The following LRRC4C variants were observed in gnomAD, a reference collection of about 807,000 sequenced individuals.
The protein encoded by LRRC4C is leucine rich repeat containing 4C.
LRRC4C carries 5 observed loss-of-function variants against 33.6 expected under a neutral mutation model. That is an observed-to-expected ratio of 0.15 (90% confidence interval 0.08 to 0.31). The LOEUF is 0.31. Among genes scored for constraint, LRRC4C ranks in the 10% least tolerant of loss-of-function variants. The probability of loss-of-function intolerance (pLI) is 1.00; values close to 1 mark genes in which losing one functional copy is unlikely to be tolerated. For synonymous variants in LRRC4C, 329 were observed against 302.0 expected, an observed-to-expected ratio of 1.09 and a Z score of -0.93; for missense variants, 560 against 796.7, an observed-to-expected ratio of 0.70 and a Z score of 3.58.
intron 1 of LRRC4C, among the ~76,000 whole-genome samples, chr11:41,248,675 G>A (rs1430588013): frequency 1.3e-5 from 2 of 151,428 alleles, no homozygotes; most frequent in African/African-American, 4.9e-5. Flanking sequence ...TCAATAGCAT[G>A]ACTTTAATTT....
At chr11:41,029,536 A>G (rs1856586585) in intron 1 of LRRC4C, among the ~76,000 whole-genome samples, 1 of 151,858 alleles carries the variant, frequency 6.6e-6, no homozygotes, top group African/African-American at 2.4e-5. Context: ...TTTACAAATT[A>G]TAATGATCAA....
chr11:40,509,882 G>C (rs1427740848), intron 3 of LRRC4C, among the ~76,000 whole-genome samples: 1 of 152,068 alleles, frequency 6.6e-6, no homozygotes, highest in Non-Finnish European at 1.5e-5. Context: ...AAATAATCAT[G>C]GCAGGTTGCT....
chr11:41,435,163 A>T (rs1452706453), intron 1 of LRRC4C, among the ~76,000 whole-genome samples: 1 of 152,178 alleles, frequency 6.6e-6, no homozygotes, highest in Non-Finnish European at 1.5e-5. Context: ...ACAATCACTA[A>T]GAGTAATACA....
intron 1 of LRRC4C, among the ~76,000 whole-genome samples, chr11:41,059,210 G>GTTGTTTT (rs71060994): frequency 0.072 from 9,041 of 125,188 alleles, 642 homozygotes; most frequent in African/African-American, 0.16. Context: ...TAAAATAAAA[G>GTTGTTTT]TTTTTTTTTT....
chr11:40,768,216 G>GA (rs574736005), intron 2 of LRRC4C, among the ~76,000 whole-genome samples: 5 of 151,768 alleles, frequency 3.3e-5, no homozygotes, highest in African/African-American at 4.8e-5. Context: ...GAAAAGCCTA[G>GA]AAAAAATGGA....
intron 1 of LRRC4C, among the ~76,000 whole-genome samples, chr11:41,100,582 T>A (rs2135606118): frequency 6.6e-6 from 1 of 151,630 alleles, no homozygotes; most frequent in Non-Finnish European, 1.5e-5. Context: ...ATAATAATAA[T>A]AATAATAACA....
intron 1 of LRRC4C, among the ~76,000 whole-genome samples, chr11:40,966,876 T>C (rs138149855): frequency 2.6e-5 from 4 of 152,002 alleles, no homozygotes; most frequent in Non-Finnish European, 5.9e-5. Flanking sequence ...TGCTGATGAA[T>C]GTGAGTCATA....
chr11:41,277,662 C>T (rs78239497), intron 1 of LRRC4C, among the ~76,000 whole-genome samples: 12,516 of 152,080 alleles, frequency 0.082, 709 homozygotes, highest in Middle Eastern at 0.2. Flanking sequence ...AACAAATATC[C>T]GCAGGTGACA....
intron 1 of LRRC4C, among the ~76,000 whole-genome samples, chr11:41,176,005 G>A (rs1014538243): frequency 3.9e-5 from 6 of 151,978 alleles, no homozygotes; most frequent in African/African-American, 9.7e-5. Flanking sequence ...CTCGTCCTAC[G>A]CATTCCCTGA....
chr11:40,443,285 G>C (rs755194687), intron 3 of LRRC4C, among the ~76,000 whole-genome samples: 7 of 152,156 alleles, frequency 4.6e-5, no homozygotes, highest in Non-Finnish European at 1.0e-4. Flanking sequence ...TGACAAACAA[G>C]ATATTATCTT....
intron 1 of LRRC4C, among the ~76,000 whole-genome samples, chr11:41,238,061 C>T (rs1160921292): frequency 1.3e-5 from 2 of 152,116 alleles, no homozygotes; most frequent in Non-Finnish European, 2.9e-5. Context: ...AAACAAATTC[C>T]CACTTCCTAT....
At chr11:40,186,758 G>C (rs764992802) in intron 5 of LRRC4C, among the ~76,000 whole-genome samples, 230 of 152,296 alleles carry the variant, frequency 1.5e-3, no homozygotes, top group Non-Finnish European at 1.9e-3. Flanking sequence ...GGGAAGGTAG[G>C]CTTCCTGAAA....
chr11:40,613,254 G>A (rs1261102753), intron 3 of LRRC4C, among the ~76,000 whole-genome samples: 1 of 151,838 alleles, frequency 6.6e-6, no homozygotes, highest in Non-Finnish European at 1.5e-5. Context: ...GTGACTATTG[G>A]AGTTACTTCT....
At chr11:41,405,753 G>A (rs2138155706) in intron 1 of LRRC4C, among the ~76,000 whole-genome samples, 1 of 152,198 alleles carries the variant, frequency 6.6e-6, no homozygotes, top group African/African-American at 2.4e-5. Context: ...TTTAGGGGCA[G>A]GGGATGGGGA....
At chr11:40,667,611 C>T (rs1306218414) in intron 2 of LRRC4C, among the ~76,000 whole-genome samples, 4 of 152,136 alleles carry the variant, frequency 2.6e-5, no homozygotes, top group East Asian at 1.9e-4. Context: ...AAGCTGCCTG[C>T]CATATGGTAA....
At chr11:40,850,150 C>G (rs1218536314) in intron 2 of LRRC4C, among the ~76,000 whole-genome samples, 1 of 151,940 alleles carries the variant, frequency 6.6e-6, no homozygotes, top group Non-Finnish European at 1.5e-5. Flanking sequence ...CAAACTCATT[C>G]TCCATCCAGT....
chr11:40,473,633 T>A (rs1277012951), intron 3 of LRRC4C, among the ~76,000 whole-genome samples: 5 of 151,972 alleles, frequency 3.3e-5, no homozygotes, highest in African/African-American at 1.2e-4. Flanking sequence ...AAATAAAGGG[T>A]ACTCAAATAG....
intron 5 of LRRC4C, among the ~76,000 whole-genome samples, chr11:40,198,242 C>T (rs1223468722): frequency 2.6e-5 from 4 of 152,204 alleles, no homozygotes; most frequent in Non-Finnish European, 5.9e-5. Context: ...CATACAGACA[C>T]ACACCCATGT....
At chr11:41,244,803 A>C (rs1948386863) in intron 1 of LRRC4C, among the ~76,000 whole-genome samples, 2 of 152,186 alleles carry the variant, frequency 1.3e-5, no homozygotes, top group Non-Finnish European at 2.9e-5. Context: ...TTACTCGATG[A>C]GTAAGACTGG....
Sources: allele counts gnomAD v4.1 joint callset (sites outside exome capture counted in the v4.1 genomes callset), GRCh38; gene constraint gnomAD v4.1.1; transcripts MANE v1.5; gene names NCBI Gene and HGNC (gene_info 2026-07-23, HGNC 2026-07-21).